Variants in SLC12A2 observed in about 807,000 individuals in gnomAD.
The protein encoded by SLC12A2 is Na-K-2Cl cotransporter 1.
A neutral mutation model predicts 136.3 loss-of-function variants in SLC12A2; 67 were observed. The ratio of observed to expected loss-of-function variants is 0.49; its 90% CI spans 0.40 to 0.60. SLC12A2 has a LOEUF of 0.60. Among genes scored for constraint, SLC12A2 ranks in the 20% least tolerant of loss-of-function variants. The pLI is 0.00. For missense variants in SLC12A2, 1,322 were observed against 1,534.7 expected (o/e 0.86, Z 2.32); for synonymous variants, 619 against 562.9 (o/e 1.10, Z -1.41).
chr5:128,094,448 C>A (rs1760448507), intron 1 of SLC12A2, among the ~76,000 whole-genome samples: 1 of 151,908 alleles, frequency 6.6e-6, no homozygotes, highest in African/African-American at 2.4e-5. Flanking sequence ...ACATGCAGAG[C>A]TAGCATTGGA....
intron 1 of SLC12A2, among the ~76,000 whole-genome samples, chr5:128,103,036 G>A (rs1354777632): frequency 6.6e-6 from 1 of 152,154 alleles, no homozygotes; most frequent in Non-Finnish European, 1.5e-5. Flanking sequence ...ATTTTAAACA[G>A]TGCTGATATG....
chr5:128,167,865 T>G lies in SLC12A2; in HGVS notation c.2721T>G (p.Phe907Leu). The G allele has an allele frequency of 1.4e-6, 2 of 1,469,558 alleles. No homozygotes were observed. Among genetic ancestry groups the G allele is most frequent in the Non-Finnish European group, 9.3e-7 (1 of 1,072,896 alleles). 91.0% of individuals were successfully genotyped at this position (1,469,558 alleles called of 1,614,324 possible). A position where few individuals can be genotyped will look rare whatever the true frequency, so the allele number is the denominator to read the frequency against. ...MRDVDMYINL[F>L]HDAFDIQYGV... The stretch of plus-strand genomic sequence containing the variant: ...ATGTGGATATGTATATAAACTTATT[T>G]CAGTAAGTATCTTTTTAATTCAATA... Residue 907 changes from phenylalanine to leucine, a missense_variant and splice_region_variant, in exon 18 of 27, where the codon TTT (phenylalanine) becomes TTG (leucine). Phe to Leu is a conservative substitution (Grantham distance 22). Transcript: ENST00000262461.
intron 7 of SLC12A2, among the ~76,000 whole-genome samples, chr5:128,136,118 T>C (rs1762183381): frequency 6.6e-6 from 1 of 152,192 alleles, no homozygotes; most frequent in Admixed American, 6.5e-5. Context: ...TAACTTTTGT[T>C]CTAATATGAC....
At chr5:128,106,753 GTTC>G (rs1561660212) in intron 1 of SLC12A2, among the ~76,000 whole-genome samples, 1 of 152,056 alleles carries the variant, frequency 6.6e-6, no homozygotes, top group African/African-American at 2.4e-5. Flanking sequence ...ATTATTGCTA[GTTC>G]TTCTATTTTG....
intron 1 of SLC12A2, among the ~76,000 whole-genome samples, chr5:128,108,442 C>T (rs951367602): frequency 1.3e-5 from 2 of 152,106 alleles, no homozygotes; most frequent in African/African-American, 2.4e-5. Context: ...GTGGCATATC[C>T]ATACTATGGA....
intron 19 of SLC12A2, among the ~76,000 whole-genome samples, chr5:128,173,593 T>A (rs1763450216): frequency 6.6e-6 from 1 of 152,186 alleles, no homozygotes; most frequent in South Asian, 2.1e-4. Context: ...ATCAGCCTTT[T>A]CTGTTAGATG....
At chr5:128,169,703 T>C (rs1763309972) in intron 18 of SLC12A2, 1 of 152,154 alleles carries the variant, frequency 6.6e-6, no homozygotes, top group South Asian at 2.1e-4. Context: ...TGAAACCCTA[T>C]GCTTTTTCCC....
At chr5:128,136,180 G>A (rs1027126649) in intron 7 of SLC12A2, among the ~76,000 whole-genome samples, 1 of 152,118 alleles carries the variant, frequency 6.6e-6, no homozygotes, top group Non-Finnish European at 1.5e-5. Context: ...GCCTAAGATT[G>A]TGAAAGCAAT....
intron 17 of SLC12A2, among the ~76,000 whole-genome samples, chr5:128,165,926 C>CCCCCCCA (rs1763188520): frequency 7.0e-6 from 1 of 143,808 alleles, no homozygotes; most frequent in Non-Finnish European, 1.5e-5. Flanking sequence ...CCTCCCCCCC[C>CCCCCCCA]CCCCCCCAGT....
chr5:128,163,289 G>C (rs768202691), intron 17 of SLC12A2, among the ~76,000 whole-genome samples: 5 of 152,148 alleles, frequency 3.3e-5, no homozygotes, highest in Admixed American at 6.5e-5. Context: ...AGCACTTTGG[G>C]AGACTGTGAC....
At chr5:128,178,439 A>G (rs938930450) in intron 21 of SLC12A2, 128 bp from the exon 22 acceptor site, 3 of 556,210 alleles carry the variant, frequency 5.4e-6, no homozygotes, top group Non-Finnish European at 8.8e-6. Flanking sequence ...TAGATGCCGT[A>G]TACAATTGTC....
intron 15 of SLC12A2, among the ~76,000 whole-genome samples, chr5:128,153,676 T>C (rs1232691276): frequency 6.6e-6 from 1 of 152,228 alleles, no homozygotes; most frequent in Non-Finnish European, 1.5e-5. Flanking sequence ...ATCTTTTCCA[T>C]GTTTATTAGT....
intron 1 of SLC12A2, among the ~76,000 whole-genome samples, chr5:128,102,077 G>A (rs553429528): frequency 4.6e-5 from 7 of 152,034 alleles, no homozygotes; most frequent in African/African-American, 1.7e-4. Flanking sequence ...TCAGCTCACA[G>A]TATGGGCAGT....
chr5:128,164,716 ATTTG>A (rs2126737859), intron 17 of SLC12A2, among the ~76,000 whole-genome samples: 1 of 151,910 alleles, frequency 6.6e-6, no homozygotes, highest in East Asian at 1.9e-4. Context: ...TTTAGATGTT[ATTTG>A]TTTTACTGGA....
chr5:128,143,904 T>TTATAATAAAATTATTTATTATAAA (rs1330209622), intron 10 of SLC12A2, among the ~76,000 whole-genome samples: 250 of 142,208 alleles, frequency 1.8e-3, no homozygotes, highest in Non-Finnish European at 1.6e-3. Context: ...ATAAAATTAT[T>TTATAATAAAATTATTTATTATAAA]TATAATAAAA....
intron 23 of SLC12A2, among the ~76,000 whole-genome samples, chr5:128,182,580 C>T (rs1382345421): frequency 6.6e-6 from 1 of 152,076 alleles, no homozygotes; most frequent in Non-Finnish European, 1.5e-5. Context: ...GAAACATTAG[C>T]TTCCATTTAA....
intron 6 of SLC12A2, among the ~76,000 whole-genome samples, 162 bp downstream of exon 6, chr5:128,134,437 G>A (rs563047147): frequency 2.6e-5 from 4 of 152,072 alleles, no homozygotes; most frequent in Admixed American, 6.5e-5. Flanking sequence ...ACTTGACAAG[G>A]CAGAGAATCT....
At chr5:128,089,810 T>C (rs756040988) in intron 1 of SLC12A2, among the ~76,000 whole-genome samples, 1 of 152,212 alleles carries the variant, frequency 6.6e-6, no homozygotes, top group African/African-American at 2.4e-5. Flanking sequence ...CCTCTAACCA[T>C]GAGCTGCTTC....
chr5:128,107,353 T>C (rs946699278), intron 1 of SLC12A2, among the ~76,000 whole-genome samples: 1 of 152,210 alleles, frequency 6.6e-6, no homozygotes, highest in Admixed American at 6.5e-5. Flanking sequence ...GCAGTTTTGC[T>C]ACATAGGTAT....
Sources: allele counts gnomAD v4.1 joint callset (sites outside exome capture counted in the v4.1 genomes callset), GRCh38; gene constraint gnomAD v4.1.1; transcripts MANE v1.5; gene names NCBI Gene and HGNC (gene_info 2026-07-23, HGNC 2026-07-21).